Variants in KCNIP4 observed in about 807,000 individuals in gnomAD.
The protein encoded by KCNIP4 is potassium voltage-gated channel interacting protein 4.
Under a neutral mutation model 34.0 loss-of-function variants are expected in KCNIP4, and 12 were observed. The observed-to-expected ratio is 0.35, with a 90% CI of 0.23 to 0.57. KCNIP4 has a LOEUF of 0.57. Among genes scored for constraint, KCNIP4 ranks in the 20% least tolerant of loss-of-function variants. KCNIP4 has a pLI of 0.83. For missense variants in KCNIP4, 238 were observed against 311.7 expected (o/e 0.76, Z 1.78); for synonymous variants, 124 against 102.2 (o/e 1.21, Z -1.29).
At chr4:21,538,661 G>A (rs899898872) in intron 1 of KCNIP4, among the ~76,000 whole-genome samples, 2 of 152,082 alleles carry the variant, frequency 1.3e-5, no homozygotes, top group Non-Finnish European at 2.9e-5. Context: ...ATAATAAAAT[G>A]GCACGAAGTA....
chr4:20,763,636 T>C (rs1755130668), intron 3 of KCNIP4, among the ~76,000 whole-genome samples: 1 of 152,240 alleles, frequency 6.6e-6, no homozygotes, highest in Admixed American at 6.5e-5. Context: ...GTAAAGAGTT[T>C]GGAATATCTA....
chr4:21,280,307 T>C (rs895469793), intron 1 of KCNIP4, among the ~76,000 whole-genome samples: 7 of 152,192 alleles, frequency 4.6e-5, no homozygotes, highest in Admixed American at 6.5e-5. Context: ...TCTATATTTA[T>C]TGAAAGGTCA....
chr4:20,922,303 C>T (rs1214362489), intron 1 of KCNIP4, among the ~76,000 whole-genome samples: 1 of 152,160 alleles, frequency 6.6e-6, no homozygotes, highest in Non-Finnish European at 1.5e-5. Flanking sequence ...TGGGCATCAT[C>T]CAGTCCATTG....
chr4:21,856,233 A>C (rs1029668008), intron 1 of KCNIP4, among the ~76,000 whole-genome samples: 1 of 152,214 alleles, frequency 6.6e-6, no homozygotes, highest in Admixed American at 6.5e-5. Flanking sequence ...ACTCTACTCT[A>C]TATCTTATTA....
At chr4:20,764,240 T>C (rs1755195236) in intron 3 of KCNIP4, among the ~76,000 whole-genome samples, 1 of 151,908 alleles carries the variant, frequency 6.6e-6, no homozygotes, top group Admixed American at 6.6e-5. Context: ...ACTGTAAGAG[T>C]ATATTGGTCA....
rs189752750 is a variant in KCNIP4, at chr4:21,080,155, G to C, written c.62-197446C>G. Among the ~76,000 whole-genome samples the C allele has an allele frequency of 5.3e-4, 81 of 151,840 alleles. 1 individual carries two copies. Among genetic ancestry groups the C allele is most frequent in the African/African-American group, 2.0e-3 (81 of 41,252 alleles). On this transcript the variant is annotated intron_variant, in intron 1 of 8. Coordinates refer to ENST00000382152, the MANE Select transcript of KCNIP4 (RefSeq NM_025221.6). ...AAATACATAGACTCTGACCCAGCCT[G>C]GCCAGAGATAAATCAGGCTCCTCCA...
intron 1 of KCNIP4, among the ~76,000 whole-genome samples, chr4:21,291,275 T>A (rs1763439741): frequency 2.6e-5 from 4 of 152,170 alleles, no homozygotes; most frequent in Admixed American, 2.6e-4. Context: ...GTAAATCTCA[T>A]GGCTTATGTT....
intron 1 of KCNIP4, among the ~76,000 whole-genome samples, chr4:21,708,627 G>C (rs1441030908): frequency 1.3e-5 from 2 of 152,090 alleles, no homozygotes; most frequent in Non-Finnish European, 2.9e-5. Context: ...TGAGAGGCTG[G>C]GATGTGGTCT....
chr4:21,876,993 G>A (rs1208683534), intron 1 of KCNIP4, among the ~76,000 whole-genome samples: 2 of 151,906 alleles, frequency 1.3e-5, no homozygotes, highest in Non-Finnish European at 1.5e-5. Context: ...AAAAAAAAAG[G>A]ATTAAAGATC....
chr4:21,288,563 A>G (rs1390941443), intron 1 of KCNIP4, among the ~76,000 whole-genome samples: 2 of 152,204 alleles, frequency 1.3e-5, no homozygotes, highest in Non-Finnish European at 2.9e-5. Flanking sequence ...TTTATCCTCA[A>G]GAACTCTATA....
chr4:21,713,170 C>A (rs1713877678), intron 1 of KCNIP4, among the ~76,000 whole-genome samples: 3 of 152,144 alleles, frequency 2.0e-5, no homozygotes, highest in South Asian at 4.1e-4. Context: ...CAATAAAATT[C>A]TTTTGAGAAT....
intron 1 of KCNIP4, among the ~76,000 whole-genome samples, chr4:21,536,613 T>A (rs73252242): frequency 2.0e-3 from 306 of 152,112 alleles, no homozygotes; most frequent in Admixed American, 6.9e-3. Context: ...ACCCTGTCTT[T>A]ACTAAAAATA....
chr4:21,703,311 T>C lies in KCNIP4; in HGVS notation c.61+245260A>G, dbSNP rs145424427. ...GAGTGTAAAGAAATAAATAAAATCT[T>C]TCCATTTGCTGATAAGATGATTTTC... On this transcript the variant is annotated intron_variant, in intron 1 of 8. Coordinates refer to ENST00000382152, the MANE Select transcript of KCNIP4 (RefSeq NM_025221.6). Among the ~76,000 whole-genome samples the C allele has an allele frequency of 3.3e-3, 508 of 152,210 alleles. 6 individuals carry two copies. Among genetic ancestry groups the C allele is most frequent in the African/African-American group, 0.011 (475 of 41,568 alleles).
chr4:21,883,628 T>A (rs942530760), intron 1 of KCNIP4, among the ~76,000 whole-genome samples: 2 of 152,184 alleles, frequency 1.3e-5, no homozygotes, highest in African/African-American at 4.8e-5. Context: ...GGCAGACACA[T>A]AATCCCAATT....
chr4:20,801,288 CAAA>C (rs34342812), intron 3 of KCNIP4, among the ~76,000 whole-genome samples: 1 of 106,442 alleles, frequency 9.4e-6, no homozygotes. Flanking sequence ...GGAAGTTTTT[CAAA>C]AAAAAAAAAA....
chr4:21,513,775 T>C (rs983795909), intron 1 of KCNIP4, among the ~76,000 whole-genome samples: 1 of 152,198 alleles, frequency 6.6e-6, no homozygotes, highest in Non-Finnish European at 1.5e-5. Context: ...TTTAGTTAGC[T>C]GTCATTTAGA....
At chr4:21,108,748 G>C (rs972135207) in intron 1 of KCNIP4, among the ~76,000 whole-genome samples, 4 of 151,754 alleles carry the variant, frequency 2.6e-5, no homozygotes, top group Non-Finnish European at 5.9e-5. Flanking sequence ...TTTGGTCTTT[G>C]ATGATGGTGA....
At chr4:21,444,983 GACAA>G (rs1352537595) in intron 1 of KCNIP4, among the ~76,000 whole-genome samples, 1 of 152,118 alleles carries the variant, frequency 6.6e-6, no homozygotes, top group Non-Finnish European at 1.5e-5. Flanking sequence ...ACCAATAACA[GACAA>G]ACAGAGAGCC....
chr4:21,519,761 ATGTGTG>A (rs1374861716), intron 1 of KCNIP4, among the ~76,000 whole-genome samples: 2 of 134,440 alleles, frequency 1.5e-5, no homozygotes, highest in East Asian at 2.4e-4. Context: ...GTGTGTATGT[ATGTGTG>A]TATACACACG....
Sources: allele counts gnomAD v4.1 joint callset (sites outside exome capture counted in the v4.1 genomes callset), GRCh38; gene constraint gnomAD v4.1.1; transcripts MANE v1.5; gene names NCBI Gene and HGNC (gene_info 2026-07-23, HGNC 2026-07-21).